The following IMMP2L variants were observed in gnomAD, a reference collection of about 807,000 sequenced individuals.
The protein encoded by IMMP2L is inner mitochondrial membrane peptidase subunit 2, also known as mitochondrial inner membrane protease subunit 2.
A neutral mutation model predicts 19.3 loss-of-function variants in IMMP2L; 18 were observed. The observed-to-expected ratio is 0.93, with a 90% confidence interval of 0.64 to 1.38. IMMP2L has a LOEUF of 1.38. IMMP2L is among the 40% of genes most tolerant of loss of function. The pLI is 0.00. For missense variants in IMMP2L, 233 were observed against 218.2 expected (o/e 1.07, Z -0.43); for synonymous variants, 76 against 73.0 (o/e 1.04, Z -0.21).
intron 2 of IMMP2L, among the ~76,000 whole-genome samples, chr7:111,504,893 A>T (rs1389427618): frequency 6.6e-6 from 1 of 152,020 alleles, no homozygotes; most frequent in Non-Finnish European, 1.5e-5. Context: ...AGGCAATACC[A>T]TTCAGGACAT....
chr7:110,700,040 G>A (rs1159822512), intron 5 of IMMP2L, among the ~76,000 whole-genome samples: 1 of 152,096 alleles, frequency 6.6e-6, no homozygotes, highest in Admixed American at 6.6e-5. Context: ...TTCTTCCCTG[G>A]TCAAGCCTCT....
intron 3 of IMMP2L, among the ~76,000 whole-genome samples, chr7:111,077,615 A>G (rs1203526510): frequency 2.6e-5 from 4 of 152,154 alleles, no homozygotes; most frequent in Non-Finnish European, 4.4e-5. Context: ...CTTAACTCCT[A>G]CCTGCCTCTA....
intron 3 of IMMP2L, among the ~76,000 whole-genome samples, chr7:111,131,569 G>A (rs913506176): frequency 5.9e-5 from 9 of 151,916 alleles, no homozygotes; most frequent in Admixed American, 1.3e-4. Flanking sequence ...AAGAAGAGGT[G>A]TGGGAAAATG....
chr7:111,180,838 T>A (rs1009252090), intron 3 of IMMP2L, among the ~76,000 whole-genome samples: 5 of 152,008 alleles, frequency 3.3e-5, no homozygotes, highest in African/African-American at 1.2e-4. Flanking sequence ...TGAGAAAAAA[T>A]TTGACAGACT....
intron 3 of IMMP2L, among the ~76,000 whole-genome samples, chr7:111,457,333 G>GAA (rs1198831934): frequency 7.6e-6 from 1 of 132,368 alleles, no homozygotes; most frequent in Non-Finnish European, 1.6e-5. Context: ...TACTGGCCTT[G>GAA]AAAAAAAAAA....
At chr7:111,454,955 G>A (rs549046908) in intron 3 of IMMP2L, among the ~76,000 whole-genome samples, 146 of 151,700 alleles carry the variant, frequency 9.6e-4, no homozygotes, top group Non-Finnish European at 1.7e-3. Context: ...AGTCTATCAG[G>A]AAAACTTCTA....
chr7:111,387,971 T>C (rs1831940003), intron 3 of IMMP2L, among the ~76,000 whole-genome samples: 1 of 125,070 alleles, frequency 8.0e-6, no homozygotes, highest in South Asian at 2.5e-4. Flanking sequence ...CAAGACTCTG[T>C]CTTTAAAAAA....
At chr7:110,674,537 T>C (rs780905477) in intron 5 of IMMP2L, among the ~76,000 whole-genome samples, 11 of 152,344 alleles carry the variant, frequency 7.2e-5, no homozygotes, top group Non-Finnish European at 1.2e-4. Flanking sequence ...TGATGAATTT[T>C]ACTTAGCAGC....
chr7:111,313,723 T>C (rs1381777310), intron 3 of IMMP2L, among the ~76,000 whole-genome samples: 1 of 152,028 alleles, frequency 6.6e-6, no homozygotes, highest in African/African-American at 2.4e-5. Context: ...CAAAATACAG[T>C]AAATAATAAC....
At chr7:111,520,543 T>C (rs1846236148) in intron 2 of IMMP2L, among the ~76,000 whole-genome samples, 2 of 152,210 alleles carry the variant, frequency 1.3e-5, no homozygotes, top group Non-Finnish European at 2.9e-5. Flanking sequence ...ATTAAGCTGG[T>C]TATTCTCTGT....
chr7:110,790,155 C>T (rs145197520), intron 5 of IMMP2L, among the ~76,000 whole-genome samples: 1 of 151,608 alleles, frequency 6.6e-6, no homozygotes, highest in East Asian at 2.0e-4. Context: ...TTGTTAAAGG[C>T]CATACAAGCA....
Position 111,230,178 on chromosome 7 carries a change from T to C in IMMP2L, c.239+257060A>G, listed in dbSNP as rs188705360. ...AAAAAGAAATGCGTGCCTAGGGCATTTGTTTTAATCATGAAAATGGGGAAG... is the reference window on the plus strand; with the variant it reads ...AAAAAGAAATGCGTGCCTAGGGCATCTGTTTTAATCATGAAAATGGGGAAG... On this transcript the variant is annotated intron_variant, in intron 3 of 5. Transcript: ENST00000405709. Among the ~76,000 whole-genome samples, 52 of 152,182 alleles carry C rather than the reference T, an allele frequency of 3.4e-4. 1 individual carries two copies. The highest frequency in any genetic ancestry group is 3.1e-3 in the Admixed American group (48 of 15,246).
chr7:111,108,647 C>T (rs2129582337), intron 3 of IMMP2L, among the ~76,000 whole-genome samples: 1 of 151,884 alleles, frequency 6.6e-6, no homozygotes, highest in South Asian at 2.1e-4. Context: ...TTAATTATAC[C>T]CTTCTAAAGT....
At chr7:111,059,052 G>GGCTC (rs1793772913) in intron 3 of IMMP2L, among the ~76,000 whole-genome samples, 1 of 151,646 alleles carries the variant, frequency 6.6e-6, no homozygotes, top group African/African-American at 2.4e-5. Flanking sequence ...GCGCAATCTC[G>GGCTC]GCTCACTGCA....
intron 1 of IMMP2L, among the ~76,000 whole-genome samples, chr7:111,539,304 A>G (rs1848314342): frequency 6.6e-6 from 1 of 152,164 alleles, no homozygotes; most frequent in Admixed American, 6.5e-5. Flanking sequence ...ATATATCTGT[A>G]TATTGAACTT....
At chr7:110,987,382 T>C (rs1821969567) in intron 3 of IMMP2L, among the ~76,000 whole-genome samples, 1 of 152,200 alleles carries the variant, frequency 6.6e-6, no homozygotes, top group Non-Finnish European at 1.5e-5. Flanking sequence ...CAACTTTATT[T>C]GAATCAGAAC....
chr7:111,474,595 G>T (rs1841560387), intron 3 of IMMP2L, among the ~76,000 whole-genome samples: 1 of 151,654 alleles, frequency 6.6e-6, no homozygotes, highest in Non-Finnish European at 1.5e-5. Flanking sequence ...CACCCAAGCA[G>T]TTTAACCTTT....
chr7:110,729,929 A>ATT (rs35261835), intron 5 of IMMP2L, among the ~76,000 whole-genome samples: 7 of 148,606 alleles, frequency 4.7e-5, no homozygotes, highest in African/African-American at 1.5e-4. Context: ...ATAAAAGTTG[A>ATT]TTTTTTTTTT....
intron 4 of IMMP2L, among the ~76,000 whole-genome samples, chr7:110,906,478 G>A (rs1812462097): frequency 6.6e-6 from 1 of 152,130 alleles, no homozygotes. Flanking sequence ...TGCAAGATAG[G>A]CAAATGTAAC....
Sources: gnomAD v4.1 joint callset for allele counts (sites outside exome capture counted in the v4.1 genomes callset) on GRCh38, gnomAD v4.1.1 for gene constraint, MANE v1.5 for transcripts, NCBI Gene and HGNC (gene_info 2026-07-23, HGNC 2026-07-21) for gene names.